RUNX3: variants seen among roughly 807,000 people sequenced by gnomAD.
RUNX3 encodes RUNX family transcription factor 3, also known as runt-related transcription factor 3.
RUNX3 carries 10 observed loss-of-function variants against 27.7 expected under a neutral mutation model. The ratio of observed to expected loss-of-function variants is 0.36; its 90% CI spans 0.22 to 0.61. The LOEUF (loss-of-function observed/expected upper bound fraction) is 0.61, where lower values mean the gene tolerates loss of function less well. RUNX3 is among the 20% of genes least tolerant of loss of function. The pLI, the probability that RUNX3 is intolerant of heterozygous loss-of-function variation, is 0.72. For missense variants in RUNX3, 469 were observed against 629.5 expected (o/e 0.75, Z 2.73); for synonymous variants, 270 against 269.2 (o/e 1.00, Z -0.03).
rs1333432659 is a variant in RUNX3, at chr1:24,902,249, CCGG to C, written c.1118_1120del (p.Ala373del). 12 of 1,582,180 alleles carry C rather than the reference CCGG, an allele frequency of 7.6e-6. No homozygotes were observed. In the Admixed American group the frequency reaches 2.2e-4, roughly 29 times the overall value. On this transcript the variant is annotated inframe_deletion, in exon 5 of 5. Coordinates refer to ENST00000308873, the MANE Select transcript of RUNX3 (RefSeq NM_004350.3). The surrounding 1 kb of genome is among the most constrained non-coding windows in gnomAD (Gnocchi z 9.2). ...GCCCAGGCTGGGGTTCATGAGGTTG[CCGG>C]CGGCGACAGAGGCAGCGCTGCTGGT... is the stretch of plus-strand genomic sequence containing the variant.
intron 2 of RUNX3, among the ~76,000 whole-genome samples, chr1:24,938,311 T>C (rs1193812872): frequency 6.6e-6 from 1 of 152,174 alleles, no homozygotes; most frequent in Non-Finnish European, 1.5e-5. Flanking sequence ...TAGAATTCCA[T>C]ATTAATCTAC....
At chr1:24,909,426 T>C (rs193276314) in intron 3 of RUNX3, among the ~76,000 whole-genome samples, 2 of 152,274 alleles carry the variant, frequency 1.3e-5, no homozygotes, top group Non-Finnish European at 2.9e-5. Flanking sequence ...GGGTGTGTCA[T>C]TCTGTAACTT....
intron 3 of RUNX3, among the ~76,000 whole-genome samples, chr1:24,909,772 C>T (rs770183066): frequency 3.3e-5 from 5 of 152,236 alleles, no homozygotes; most frequent in African/African-American, 4.8e-5. Flanking sequence ...GAGGAAAGGA[C>T]GGCTCCCTTG....
rs1331722767 is a variant in RUNX3 at position 24,904,910 on chromosome 1, C to G, written c.704-2244G>C. ...CAGGAAACCCGAGCTGCCCGGGGCA[C>G]TGTCGAGTGGCCAATCCCAACAGTG... On this transcript the variant is annotated intron_variant, in intron 4 of 4. Transcript: ENST00000308873. This position sits in a 1 kb window ranked among gnomAD's most constrained non-coding sequence, Gnocchi z 5.7. 6.6e-6 allele frequency among the ~76,000 whole-genome samples: 1 copy of G among 152,210 alleles called. No individual in the cohort carries two copies. The highest frequency in any genetic ancestry group is 1.9e-4 in the East Asian group (1 of 5,198).
rs191632936 is a variant in RUNX3 at position 24,964,185 on chromosome 1, C to T, written c.58+329G>A. Among the ~76,000 whole-genome samples the T allele has an allele frequency of 1.7e-3, 261 of 152,314 alleles. 1 individual carries two copies. Among genetic ancestry groups the T allele is most frequent in the African/African-American group, 6.2e-3 (258 of 41,562 alleles). ...GGGGCTGGGGCTGCAGGCCCTGGGG[C>T]CCTGTTAGTGAAGCAGCAAGCCGAG... is the stretch of plus-strand genomic sequence containing the variant. On this transcript the variant is annotated intron_variant, in intron 2 of 6. Coordinates refer to the RUNX3 transcript ENST00000338888.
At chr1:24,939,824 G>C (rs1641434277) in intron 2 of RUNX3, among the ~76,000 whole-genome samples, 1 of 152,268 alleles carries the variant, frequency 6.6e-6, no homozygotes, top group Admixed American at 6.5e-5. Context: ...GAGGGTTGCA[G>C]CTAGGGTGCC....
At chr1:24,919,888 T>A (rs892803636) in intron 2 of RUNX3, among the ~76,000 whole-genome samples, 5 of 152,154 alleles carry the variant, frequency 3.3e-5, no homozygotes, top group African/African-American at 4.8e-5. Context: ...ATACTGTTTT[T>A]TTTTTCATTT....
Position 24,929,722 on chromosome 1 carries a change from C to T in RUNX3, c.147G>A (p.Arg49=). 2.0e-6 allele frequency: 3 copies of T among 1,512,162 alleles called. No individual in the cohort carries two copies. Among genetic ancestry groups the T allele is most frequent in the South Asian group, 2.5e-5 (2 of 79,714 alleles). The allele number at this position is 1,512,162 out of a possible 1,614,324, so 93.7% of individuals were successfully genotyped here. Residue 49 remains arginine, a synonymous_variant, in exon 1 of 5, where the codon CGG becomes CGA. Coordinates refer to ENST00000308873, the MANE Select transcript of RUNX3 (RefSeq NM_004350.3). Reference sequence around the variant, plus strand: ...CGTCCACCATCGAGCGCACCTCGGGCCGGGCGCGCCCTCCGGGCCCCACGG... The same window carrying T: ...CGTCCACCATCGAGCGCACCTCGGGTCGGGCGCGCCCTCCGGGCCCCACGG... ...QAAVGPGGRA[R]PEVRSMVDVL...
At chr1:24,910,439 G>A (rs1231117159) in intron 3 of RUNX3, among the ~76,000 whole-genome samples, 2 of 152,134 alleles carry the variant, frequency 1.3e-5, no homozygotes, top group Non-Finnish European at 2.9e-5. Context: ...AACTCACTGC[G>A]CTTCTTGGGG....
At chr1:24,953,925 T>G (rs1017285874) in intron 2 of RUNX3, among the ~76,000 whole-genome samples, 1 of 152,190 alleles carries the variant, frequency 6.6e-6, no homozygotes, top group Non-Finnish European at 1.5e-5. Context: ...GTGGTTTTTT[T>G]TTTTGGAGAC....
chr1:24,942,007 G>C (rs1436222708), intron 2 of RUNX3, among the ~76,000 whole-genome samples: 1 of 152,214 alleles, frequency 6.6e-6, no homozygotes, highest in Non-Finnish European at 1.5e-5. Context: ...GACCTGGGGT[G>C]GGGGGCCCTC....
intron 2 of RUNX3, among the ~76,000 whole-genome samples, chr1:24,951,949 A>T (rs1211613400): frequency 1.3e-5 from 2 of 152,228 alleles, no homozygotes; most frequent in Non-Finnish European, 2.9e-5. Context: ...AGCCTGGAAG[A>T]CAGAGCCAGA....
At chr1:24,919,839 T>A (rs994939957) in intron 2 of RUNX3, among the ~76,000 whole-genome samples, 1 of 152,014 alleles carries the variant, frequency 6.6e-6, no homozygotes, top group Non-Finnish European at 1.5e-5. Context: ...TGGGTTTGTA[T>A]ATTTACACAG....
chr1:24,915,318 G>A (rs1368609445), intron 3 of RUNX3, among the ~76,000 whole-genome samples: 1 of 152,156 alleles, frequency 6.6e-6, no homozygotes, highest in Non-Finnish European at 1.5e-5. Context: ...CAGCTCCTAG[G>A]GAGGCTGAGG....
intron 2 of RUNX3, among the ~76,000 whole-genome samples, chr1:24,941,719 G>A (rs1019780996): frequency 1.3e-5 from 2 of 152,184 alleles, no homozygotes; most frequent in South Asian, 4.1e-4. Flanking sequence ...TGGGGTTGGA[G>A]GATGCTGCCT....
intron 2 of RUNX3, among the ~76,000 whole-genome samples, chr1:24,960,911 C>T (rs996071591): frequency 2.2e-4 from 33 of 152,074 alleles, no homozygotes; most frequent in Non-Finnish European, 5.9e-5. Flanking sequence ...AATAAATCCC[C>T]CTTGTCCTGC....
chr1:24,928,404 A>T (rs1248269325), intron 1 of RUNX3, among the ~76,000 whole-genome samples: 1 of 152,148 alleles, frequency 6.6e-6, no homozygotes, highest in Non-Finnish European at 1.5e-5. Flanking sequence ...GTCCCCCTAA[A>T]CACCATCTCC....
At chr1:24,932,802 G>A (rs938611424), upstream of RUNX3, among the ~76,000 whole-genome samples, 2 of 152,122 alleles carry the variant, frequency 1.3e-5, no homozygotes, top group Admixed American at 6.5e-5. Context: ...AGTTGGCATG[G>A]ACCGTCGTCT....
At chr1:24,953,409 A>G (rs1463505115) in intron 2 of RUNX3, among the ~76,000 whole-genome samples, 1 of 151,704 alleles carries the variant, frequency 6.6e-6, no homozygotes, top group Non-Finnish European at 1.5e-5. Context: ...AATGAAAAAA[A>G]AAAAAAAACA....
Sources: gnomAD v4.1 joint callset for allele counts (sites outside exome capture counted in the v4.1 genomes callset) on GRCh38, gnomAD v4.1.1 for gene constraint, Gnocchi (gnomAD v3.1) non-coding constraint, MANE v1.5 for transcripts, NCBI Gene and HGNC (gene_info 2026-07-23, HGNC 2026-07-21) for gene names.